The following DNAJC10 variants were observed in gnomAD, a reference collection of about 807,000 sequenced individuals.
DNAJC10 encodes the protein DnaJ heat shock protein family (Hsp40) member C10.
Under a neutral mutation model 115.0 loss-of-function variants are expected in DNAJC10, and 101 were observed. The observed-to-expected ratio is 0.88, with a 90% CI of 0.75 to 1.04. DNAJC10 has a LOEUF of 1.04. Ranked by LOEUF, DNAJC10 falls within the 50% of genes least tolerant of loss-of-function variation. The pLI, the probability that DNAJC10 is intolerant of heterozygous loss-of-function variation, is 0.00. For missense variants in DNAJC10, 981 were observed against 928.8 expected (o/e 1.06, Z -0.73); for synonymous variants, 307 against 301.5 (o/e 1.02, Z -0.19).
intron 7 of DNAJC10, 116 bp downstream of exon 7, chr2:182,729,110 G>A (rs1452379680): frequency 1.2e-5 from 13 of 1,053,192 alleles, no homozygotes; most frequent in Non-Finnish European, 1.8e-5. Context: ...TTTACAAGGT[G>A]CCATCTCACT....
Position 182,782,159 on chromosome 2 carries a change from A to G in DNAJC10, c.*5027A>G, listed in dbSNP as rs1369626841. Reference sequence around the variant, plus strand: ...GAAGGGGTCCCAGTTTCAGTTTTCTACATGTGGCTAGCCTGTTTTCCCAAC... The same window carrying G: ...GAAGGGGTCCCAGTTTCAGTTTTCTGCATGTGGCTAGCCTGTTTTCCCAAC... On this transcript the variant is annotated 3_prime_UTR_variant, in exon 24 of 24. Transcript: ENST00000264065. 3 of 152,098 alleles carry G rather than the reference A, an allele frequency of 2.0e-5. No homozygotes were observed. The allele number at this position is 152,098 out of a possible 1,614,324, so 9.4% of individuals were successfully genotyped here.
intron 11 of DNAJC10, chr2:182,739,995 A>G: frequency 6.0e-6 from 6 of 1,002,624 alleles, no homozygotes; most frequent in Non-Finnish European, 7.1e-6. Context: ...GAGGTCACTC[A>G]GGATTTTTCT....
At chr2:182,727,693 A>G (rs1693326922) in intron 5 of DNAJC10, among the ~76,000 whole-genome samples, 1 of 152,234 alleles carries the variant, frequency 6.6e-6, no homozygotes, top group African/African-American at 2.4e-5. Flanking sequence ...TTAGAATACC[A>G]TGTGTGATTT....
intron 14 of DNAJC10, among the ~76,000 whole-genome samples, chr2:182,747,232 A>G (rs1368833935): frequency 2.7e-5 from 4 of 150,926 alleles, no homozygotes; most frequent in African/African-American, 9.7e-5. Flanking sequence ...TTGGTTCCAT[A>G]TGAACTTTAA....
At chr2:182,729,705 T>C (rs765823613) in intron 7 of DNAJC10, 143 bp from the exon 8 acceptor site, 25 of 484,158 alleles carry the variant, frequency 5.2e-5, no homozygotes, top group Non-Finnish European at 8.4e-5. Flanking sequence ...CAGGATATCA[T>C]TTGGAAATAC....
At chr2:182,769,278 G>T (rs1447329635) in intron 22 of DNAJC10, among the ~76,000 whole-genome samples, 2 of 152,044 alleles carry the variant, frequency 1.3e-5, no homozygotes, top group Non-Finnish European at 2.9e-5. Flanking sequence ...TAGTGCTGCA[G>T]TAAACATATG....
intron 16 of DNAJC10, 93 bp from the exon 17 acceptor site, chr2:182,754,910 T>C: frequency 7.7e-7 from 1 of 1,295,798 alleles, no homozygotes; most frequent in Admixed American, 2.4e-5. Context: ...TTTTAAAATC[T>C]TGTTCTTGTT....
At chr2:182,770,397 A>C (rs1287383477) in intron 22 of DNAJC10, among the ~76,000 whole-genome samples, 1 of 152,184 alleles carries the variant, frequency 6.6e-6, no homozygotes, top group African/African-American at 2.4e-5. Context: ...TCTATAAATT[A>C]CTTTGGGCAG....
Position 182,741,459 on chromosome 2 carries a change from T to A in DNAJC10, c.1191+103T>A. ...TAACATAAAAACTCTTATTTGAAAT[T>A]ATAAGAAGCCTATAAGTGCTTTTAG... is the stretch of plus-strand genomic sequence containing the variant. On this transcript the variant is annotated intron_variant, in intron 13 of 23. Coordinates refer to ENST00000264065, the MANE Select transcript of DNAJC10 (RefSeq NM_018981.4). The A allele has an allele frequency of 7.2e-6, 4 of 559,358 alleles. No individual in the cohort carries two copies. In the Admixed American group the frequency reaches 1.2e-4, roughly 17 times the overall value. The allele number at this position is 559,358 out of a possible 1,614,324, so 34.6% of individuals were successfully genotyped here. A position where few individuals can be genotyped will look rare whatever the true frequency, so the allele number is the denominator to read the frequency against.
In DNAJC10 at chr2:182,756,327, C is replaced by T; in HGVS notation, c.1667C>T (p.Pro556Leu). The T allele has an allele frequency of 6.2e-7, 1 of 1,612,350 alleles. No individual in the cohort carries two copies. The highest frequency in any genetic ancestry group is 8.5e-7 in the Non-Finnish European group (1 of 1,179,108). Residue 556 changes from proline to leucine, a missense_variant, in exon 18 of 24, where the codon CCT becomes CTT. Transcript: ENST00000264065. Reference protein sequence around the residue: ...ILEFIEDLMNPSVVSLTPTTF... With the variant: ...ILEFIEDLMNLSVVSLTPTTF... Reference sequence around the variant, plus strand: ...TATTCTCTTCAGGATCTTATGAATCCTTCAGTGGTCTCCCTTACACCCACC... The same window carrying T: ...TATTCTCTTCAGGATCTTATGAATCTTTCAGTGGTCTCCCTTACACCCACC...
intron 15 of DNAJC10, 126 bp downstream of exon 15, chr2:182,751,911 T>G: frequency 6.2e-6 from 8 of 1,296,018 alleles, no homozygotes; most frequent in Non-Finnish European, 8.6e-6. Context: ...TGGCCACTAA[T>G]GCATATTGCT....
Position 182,752,993 on chromosome 2 carries a change from A to T in DNAJC10, c.1551+805A>T, listed in dbSNP as rs186480685. Among the ~76,000 whole-genome samples, 1,103 of 152,346 alleles carry T rather than the reference A, an allele frequency of 7.2e-3. 5 individuals carry two copies. The highest frequency in any genetic ancestry group is 0.032 in the South Asian group (154 of 4,830). On this transcript the variant is annotated intron_variant, in intron 16 of 23. Coordinates refer to ENST00000264065, the MANE Select transcript of DNAJC10 (RefSeq NM_018981.4). Reference sequence around the variant, plus strand: ...GTGCAAAGAAAGAGATAATTGGGGAAATGTGAACACTGACAAGATATCTGA... The same window carrying T: ...GTGCAAAGAAAGAGATAATTGGGGATATGTGAACACTGACAAGATATCTGA...
chr2:182,718,463 C>T (rs964122743), intron 3 of DNAJC10, among the ~76,000 whole-genome samples, 173 bp downstream of exon 3: 4 of 152,092 alleles, frequency 2.6e-5, no homozygotes, highest in Non-Finnish European at 4.4e-5. Context: ...TTTAGGATCC[C>T]GTGAAGGAAT....
chr2:182,776,119 A>C (rs2105711924), intron 23 of DNAJC10, among the ~76,000 whole-genome samples: 1 of 152,290 alleles, frequency 6.6e-6, no homozygotes, highest in African/African-American at 2.4e-5. Context: ...GGTATGTGAA[A>C]TATATCTCAA....
chr2:182,758,877 A>G lies in DNAJC10; in HGVS notation c.1984A>G (p.Ile662Val). The change falls in exon 20 of 24, where the codon ATC (isoleucine) becomes GTC (valine). Residue 662 changes from isoleucine to valine, a missense_variant. Coordinates refer to ENST00000264065, the MANE Select transcript of DNAJC10 (RefSeq NM_018981.4). The stretch of plus-strand genomic sequence containing the variant: ...GAATAGGGATGCTTATTCCCTGAGA[A>G]TCTGGGGTCTAGGGTGAGTAATTAA... ...GWNRDAYSLR[I>V]WGLGFLPQVS... 1.2e-6 allele frequency: 2 copies of G among 1,606,010 alleles called. No individual in the cohort carries two copies. Among genetic ancestry groups the G allele is most frequent in the Non-Finnish European group, 1.7e-6 (2 of 1,172,922 alleles).
intron 16 of DNAJC10, chr2:182,754,701 A>C: frequency 9.4e-7 from 1 of 1,062,288 alleles, no homozygotes; most frequent in Non-Finnish European, 1.1e-6. Context: ...ACCTTGGTTC[A>C]GGAGAGTAAA....
chr2:182,787,579 CATTTA>C lies in DNAJC10; in HGVS notation c.*10453_*10457del, dbSNP rs1334334026. 3 of 152,132 alleles carry C rather than the reference CATTTA, an allele frequency of 2.0e-5. No homozygotes were observed. Among genetic ancestry groups the C allele is most frequent in the African/African-American group, 7.2e-5 (3 of 41,408 alleles). The allele number at this position is 152,132 out of a possible 1,614,324, so 9.4% of individuals were successfully genotyped here. ...TCTAACCAACTGAACAAATCGAAGA[CATTTA>C]ATTTAGTCAAAATAGGCATGGGAAT... On this transcript the variant is annotated 3_prime_UTR_variant, in exon 24 of 24. Coordinates refer to ENST00000264065, the MANE Select transcript of DNAJC10 (RefSeq NM_018981.4).
rs530392770 is a variant in DNAJC10 at position 182,788,220 on chromosome 2, T to G, written c.*11088T>G. 1.1e-3 allele frequency: 183 copies of G among 159,634 alleles called. 1 individual carries two copies. Among genetic ancestry groups the G allele is most frequent in the African/African-American group, 4.2e-3 (173 of 41,526 alleles). 9.9% of individuals were successfully genotyped at this position (159,634 alleles called of 1,614,324 possible). ...GAGTGGGATTCAAGAAGCATACCCC[T>G]CAGAGCACTCAAAGAGATCCGGAAG... is the stretch of plus-strand genomic sequence containing the variant. On this transcript the variant is annotated 3_prime_UTR_variant, in exon 24 of 24. Transcript: ENST00000264065.
intron 12 of DNAJC10, among the ~76,000 whole-genome samples, chr2:182,740,917 G>A (rs1338413592): frequency 6.6e-6 from 1 of 152,018 alleles, no homozygotes; most frequent in Non-Finnish European, 1.5e-5. Flanking sequence ...ATCACTACGA[G>A]ATCTTATGTG....
Sources: gnomAD v4.1 joint callset for allele counts (sites outside exome capture counted in the v4.1 genomes callset) on GRCh38, gnomAD v4.1.1 for gene constraint, MANE v1.5 for transcripts, NCBI Gene and HGNC (gene_info 2026-07-23, HGNC 2026-07-21) for gene names.